The following TTC34 variants were observed in gnomAD, a reference collection of about 807,000 sequenced individuals.
The protein encoded by TTC34 is tetratricopeptide repeat protein 34.
In TTC34, 44 loss-of-function variants were observed where a neutral mutation model predicts 40.7. The ratio of observed to expected loss-of-function variants is 1.08; its 90% confidence interval spans 0.85 to 1.39. TTC34 has a LOEUF of 1.39. TTC34 is among the 40% of genes most tolerant of loss of function. The pLI is 0.00. For synonymous variants in TTC34, 422 were observed against 398.6 expected, an observed-to-expected ratio of 1.06 and a Z score of -0.70; for missense variants, 884 against 838.0, an observed-to-expected ratio of 1.05 and a Z score of -0.68.
intron 6 of TTC34, among the ~76,000 whole-genome samples, chr1:2,677,963 G>T (rs1171312429): frequency 2.2e-4 from 7 of 31,820 alleles, no homozygotes; most frequent in Admixed American, 3.7e-4. Context: ...GCCTGGAGCA[G>T]CAACCACACT....
At chr1:2,773,045 G>A (rs977049125) in intron 6 of TTC34, among the ~76,000 whole-genome samples, 9 of 46,520 alleles carry the variant, frequency 1.9e-4, no homozygotes, top group East Asian at 8.7e-4. Context: ...ACAGCCTGGA[G>A]CAGCACGCAC....
rs561416052 is a variant in TTC34, at chr1:2,796,763, G to A, written c.784+3281C>T. Among the ~76,000 whole-genome samples, 104 of 152,260 alleles carry A rather than the reference G, an allele frequency of 6.8e-4. No homozygotes were observed. The highest frequency in any genetic ancestry group is 2.4e-3 in the African/African-American group (101 of 41,544). On this transcript the variant is annotated intron_variant, in intron 2 of 8. Transcript: ENST00000401095. This position sits in a 1 kb window ranked among gnomAD's most constrained non-coding sequence, Gnocchi z 4.5. Reference sequence around the variant, plus strand: ...GTCCCCTCCTTCCTCAGAAGCTCACGATTCGGTGTGACTTTGTTGATCATT... The same window carrying A: ...GTCCCCTCCTTCCTCAGAAGCTCACAATTCGGTGTGACTTTGTTGATCATT...
At chr1:2,784,352 A>G (rs1291269920) in intron 5 of TTC34, among the ~76,000 whole-genome samples, 1 of 152,228 alleles carries the variant, frequency 6.6e-6, no homozygotes, top group Non-Finnish European at 1.5e-5. Flanking sequence ...TCAAAGAGGA[A>G]CCAGGAGTAT....
chr1:2,750,229 G>A (rs1641270136), intron 6 of TTC34, among the ~76,000 whole-genome samples: 1 of 150,508 alleles, frequency 6.6e-6, no homozygotes. Context: ...TGATGGTCTG[G>A]AGCAGCACCC....
rs1641385744 is a variant in TTC34 at position 2,753,247 on chromosome 1, C to G, written c.2226+30362G>C. Among the ~76,000 whole-genome samples, 3 of 120,530 alleles carry G rather than the reference C, an allele frequency of 2.5e-5. No individual in the cohort carries two copies. In the Admixed American group the frequency reaches 2.5e-4, roughly 10 times the overall value. The allele number at this position is 120,530 out of a possible 152,430, so 79.1% of individuals were successfully genotyped here. ...GTGAGCATCTGACAGCCTGGAGCAG[C>G]ACCCACACCCCAGGTGAGCATCTGA... is the stretch of plus-strand genomic sequence containing the variant. On this transcript the variant is annotated intron_variant, in intron 6 of 8. Transcript: ENST00000401095.
chr1:2,684,694 ACAG>A (rs1640240518), intron 6 of TTC34, among the ~76,000 whole-genome samples: 1 of 124,498 alleles, frequency 8.0e-6, no homozygotes, highest in African/African-American at 3.6e-5. Context: ...TGAGCATCTG[ACAG>A]CCTGGAACGG....
chr1:2,644,247 T>C lies in TTC34; in HGVS notation c.2712+17A>G. 6.5e-7 allele frequency: 1 copy of C among 1,527,938 alleles called. No individual in the cohort carries two copies. Among genetic ancestry groups the C allele is most frequent in the Non-Finnish European group, 8.8e-7 (1 of 1,141,558 alleles). The allele number at this position is 1,527,938 out of a possible 1,614,324, so 94.6% of individuals were successfully genotyped here. A position where few individuals can be genotyped will look rare whatever the true frequency, so the allele number is the denominator to read the frequency against. ...GGGGAAGGTTGGGGTGGGAGATCTG[T>C]GGGGTTCTTTGGGCACCTGGGCAAG... is the stretch of plus-strand genomic sequence containing the variant. On this transcript the variant is annotated intron_variant, in intron 8 of 8. Transcript: ENST00000401095.
intron 6 of TTC34, among the ~76,000 whole-genome samples, chr1:2,694,167 C>CA (rs1640755011): frequency 2.4e-5 from 2 of 83,014 alleles, no homozygotes; most frequent in African/African-American, 4.4e-5. Flanking sequence ...GAGCATCTGA[C>CA]GGCCTGGAAC....
chr1:2,675,177 G>A lies in TTC34; in HGVS notation c.2227-29614C>T, dbSNP rs1314352997. Among the ~76,000 whole-genome samples the A allele has an allele frequency of 6.8e-3, 994 of 146,380 alleles. 16 individuals are homozygous for A. The highest frequency in any genetic ancestry group is 0.018 in the Middle Eastern group (5 of 278). Reference sequence around the variant, plus strand: ...CACCCACACCCCCAGGGGAGCATCTGACATCCTGGAGCAGCACCGACAACC... The same window carrying A: ...CACCCACACCCCCAGGGGAGCATCTAACATCCTGGAGCAGCACCGACAACC... On this transcript the variant is annotated intron_variant, in intron 6 of 8. Transcript: ENST00000401095.
At chr1:2,790,387 C>T in intron 2 of TTC34, 41 bp from the exon 3 acceptor site, 1 of 398,434 alleles carries the variant, frequency 2.5e-6, no homozygotes, top group Non-Finnish European at 4.4e-6. Flanking sequence ...CCTGGGGGGC[C>T]GACTCCCCGG....
chr1:2,747,606 G>GA, intron 6 of TTC34, among the ~76,000 whole-genome samples: 1 of 142,118 alleles, frequency 7.0e-6, no homozygotes, highest in Non-Finnish European at 1.5e-5. Context: ...GCCCAGGTGA[G>GA]CCTCTGACAG....
chr1:2,748,492 C>A (rs1641218503), intron 6 of TTC34, among the ~76,000 whole-genome samples: 2 of 138,506 alleles, frequency 1.4e-5, no homozygotes, highest in East Asian at 2.0e-4. Flanking sequence ...CCCGGGTGAG[C>A]ATCCGATAGC....
At chr1:2,652,046 A>C (rs1262239495) in intron 6 of TTC34, among the ~76,000 whole-genome samples, 2 of 31,904 alleles carry the variant, frequency 6.3e-5, no homozygotes, top group African/African-American at 1.1e-4. Flanking sequence ...GCCCACACCC[A>C]CAGGTGAGCA....
chr1:2,641,800 A>T (rs1403804452), exon 9 of TTC34: 2 of 1,535,106 alleles, frequency 1.3e-6, no homozygotes, highest in Admixed American at 3.9e-5. Flanking sequence ...GGTGACAGGC[A>T]CTGCTGCCAC....
At chr1:2,767,933 A>T (rs1641830072) in intron 6 of TTC34, among the ~76,000 whole-genome samples, 1 of 147,086 alleles carries the variant, frequency 6.8e-6, no homozygotes. Context: ...ACACACCCCA[A>T]GGTGGGCATC....
intron 6 of TTC34, among the ~76,000 whole-genome samples, chr1:2,777,456 C>T (rs796352716): frequency 1.1e-4 from 17 of 152,326 alleles, no homozygotes; most frequent in African/African-American, 4.1e-4. Flanking sequence ...AGTCCTGCCC[C>T]CCGGTTAGTG....
At chr1:2,749,117 C>CT (rs1641236582) in intron 6 of TTC34, among the ~76,000 whole-genome samples, 1 of 141,602 alleles carries the variant, frequency 7.1e-6, no homozygotes. Flanking sequence ...GAGCAGCACC[C>CT]ACACCCCCAG....
chr1:2,647,035 T>G (rs988427594), intron 6 of TTC34, among the ~76,000 whole-genome samples: 2 of 152,232 alleles, frequency 1.3e-5, no homozygotes, highest in African/African-American at 2.4e-5. Flanking sequence ...GTCATTCGTG[T>G]TGTTGTATGT....
chr1:2,683,135 G>C (rs1640151810), intron 6 of TTC34, among the ~76,000 whole-genome samples: 2 of 139,042 alleles, frequency 1.4e-5, no homozygotes, highest in African/African-American at 5.4e-5. Context: ...TTGACAGCCT[G>C]GAACAGCACG....
Sources: allele counts gnomAD v4.1 joint callset (sites outside exome capture counted in the v4.1 genomes callset), GRCh38; gene constraint gnomAD v4.1.1; non-coding constraint Gnocchi (gnomAD v3.1); transcripts MANE v1.5; gene names NCBI Gene and HGNC (gene_info 2026-07-23, HGNC 2026-07-21).